Variants in ZNF385D observed in about 807,000 individuals in gnomAD.
ZNF385D encodes zinc finger protein 385D.
In ZNF385D, 15 loss-of-function variants were observed where a neutral mutation model predicts 35.8. The ratio of observed to expected loss-of-function variants is 0.42; its 90% confidence interval spans 0.28 to 0.64. The LOEUF (loss-of-function observed/expected upper bound fraction) is 0.64. ZNF385D is among the 30% of genes least tolerant of loss of function. The pLI, the probability that ZNF385D is intolerant of heterozygous loss-of-function variation, is 0.23. For missense variants in ZNF385D, 474 were observed against 494.6 expected (o/e 0.96, Z 0.39); for synonymous variants, 212 against 186.8 (o/e 1.13, Z -1.10).
chr3:21,576,307 T>G lies in ZNF385D; in HGVS notation c.166-11623A>C, dbSNP rs1310515847. 1.1e-4 allele frequency among the ~76,000 whole-genome samples: 17 copies of G among 152,296 alleles called. No homozygotes were observed. In the East Asian group the frequency reaches 3.3e-3, roughly 29 times the overall value. ...AAATAAGCAAAGGCATTTAGATGAC[T>G]TCCAAGTACTCAGGACATGTAATTT... On this transcript the variant is annotated intron_variant, in intron 2 of 7. Transcript: ENST00000281523.
At chr3:21,817,472 T>C (rs148656643) in intron 3 of ZNF385D, among the ~76,000 whole-genome samples, 11,905 of 152,038 alleles carry the variant, frequency 0.078, 627 homozygotes, top group South Asian at 0.13. Flanking sequence ...ACAAAGAAGT[T>C]AAACAAATTT....
intron 3 of ZNF385D, among the ~76,000 whole-genome samples, chr3:22,081,566 C>A (rs962850326): frequency 2.6e-5 from 4 of 152,196 alleles, no homozygotes; most frequent in Admixed American, 6.6e-5. Context: ...AGCCTACACA[C>A]TTCCAATAGA....
intron 3 of ZNF385D, among the ~76,000 whole-genome samples, chr3:21,867,793 A>T (rs914535417): frequency 1.3e-5 from 2 of 152,020 alleles, no homozygotes; most frequent in African/African-American, 4.8e-5. Flanking sequence ...TGAGACCTTA[A>T]GCCAGAGCTG....
intron 3 of ZNF385D, among the ~76,000 whole-genome samples, chr3:22,123,111 T>A (rs951033590): frequency 6.6e-6 from 1 of 151,708 alleles, no homozygotes; most frequent in Non-Finnish European, 1.5e-5. Context: ...GGATGATGAG[T>A]TGATAGATTG....
intron 4 of ZNF385D, among the ~76,000 whole-genome samples, chr3:21,441,461 T>G (rs1363067586): frequency 6.6e-6 from 1 of 152,178 alleles, no homozygotes; most frequent in Admixed American, 6.5e-5. Context: ...CTTCATTTGT[T>G]TTTTATTGTT....
At chr3:21,942,140 G>T (rs1301572380) in intron 3 of ZNF385D, among the ~76,000 whole-genome samples, 1 of 152,088 alleles carries the variant, frequency 6.6e-6, no homozygotes, top group African/African-American at 2.4e-5. Flanking sequence ...TAACTGATAA[G>T]TTGTCAAAAA....
At chr3:21,662,297 C>A (rs1365168597) in intron 2 of ZNF385D, among the ~76,000 whole-genome samples, 2 of 152,076 alleles carry the variant, frequency 1.3e-5, no homozygotes, top group Admixed American at 6.6e-5. Flanking sequence ...TCATGAATGC[C>A]TATGTGGATA....
At chr3:22,191,725 G>C (rs868800428) in intron 2 of ZNF385D, among the ~76,000 whole-genome samples, 13 of 152,074 alleles carry the variant, frequency 8.5e-5, no homozygotes, top group Non-Finnish European at 1.6e-4. Flanking sequence ...AGTAATTAAT[G>C]AATAAATGGT....
intron 3 of ZNF385D, among the ~76,000 whole-genome samples, chr3:21,912,214 C>T (rs540543965): frequency 6.6e-6 from 1 of 151,796 alleles, no homozygotes; most frequent in Non-Finnish European, 1.5e-5. Flanking sequence ...AATTATTCAG[C>T]CCAGACCCTA....
At chr3:22,004,616 C>T (rs1047296919) in intron 3 of ZNF385D, among the ~76,000 whole-genome samples, 2 of 152,132 alleles carry the variant, frequency 1.3e-5, no homozygotes, top group Non-Finnish European at 2.9e-5. Context: ...GAAATGATAG[C>T]TGTAAAGATA....
In ZNF385D at chr3:22,082,901, T is replaced by C. The variant is rs181233195; in HGVS notation, c.325+85916A>G. 2.3e-4 allele frequency among the ~76,000 whole-genome samples: 35 copies of C among 152,316 alleles called. No individual in the cohort carries two copies. In the East Asian group the frequency reaches 6.6e-3, roughly 29 times the overall value. On this transcript the variant is annotated intron_variant, in intron 3 of 5. Transcript: ENST00000494108. ...TTTGCTGTTCTACAATATTTGCTGT[T>C]CTGCAGCCTCTGCTGGTGATACCCA...
intron 3 of ZNF385D, among the ~76,000 whole-genome samples, chr3:21,920,903 A>C (rs1700425567): frequency 6.6e-6 from 1 of 152,048 alleles, no homozygotes; most frequent in South Asian, 2.1e-4. Flanking sequence ...AACATTTAAA[A>C]TTTGAACTCA....
intron 3 of ZNF385D, among the ~76,000 whole-genome samples, chr3:21,921,365 A>C (rs1489726122): frequency 6.6e-6 from 1 of 152,150 alleles, no homozygotes; most frequent in African/African-American, 2.4e-5. Context: ...AACTATAGAA[A>C]TTGATGCTAT....
At chr3:22,194,311 A>G (rs1025483610) in intron 2 of ZNF385D, among the ~76,000 whole-genome samples, 3 of 151,784 alleles carry the variant, frequency 2.0e-5, no homozygotes, top group African/African-American at 4.8e-5. Flanking sequence ...AACGCAAACT[A>G]TATTTACCCT....
chr3:22,000,270 A>C (rs1011912194), intron 3 of ZNF385D, among the ~76,000 whole-genome samples: 1 of 150,636 alleles, frequency 6.6e-6, no homozygotes, highest in Non-Finnish European at 1.5e-5. Context: ...ATGCCACGGC[A>C]CTCCAGCCTG....
At chr3:22,285,813 C>G (rs1701994812) in intron 2 of ZNF385D, among the ~76,000 whole-genome samples, 1 of 152,088 alleles carries the variant, frequency 6.6e-6, no homozygotes. Context: ...GGAATTTGTT[C>G]CCACTCAACT....
At chr3:22,299,920 A>G (rs1039237973) in intron 2 of ZNF385D, among the ~76,000 whole-genome samples, 1 of 152,130 alleles carries the variant, frequency 6.6e-6, no homozygotes, top group African/African-American at 2.4e-5. Context: ...TGCAATACTT[A>G]TCAAAATTTC....
chr3:22,118,808 A>G (rs971200288), intron 3 of ZNF385D, among the ~76,000 whole-genome samples: 4 of 152,126 alleles, frequency 2.6e-5, no homozygotes, highest in African/African-American at 9.7e-5. Context: ...TGTAAGCACT[A>G]TTTTAACACT....
In ZNF385D at chr3:21,539,314, C is replaced by T. The variant is rs1006369918; in HGVS notation, c.276+25260G>A. ...TTTCTCATTAATTGATGCCATTTTG[C>T]CCTGGTTTTGTTTCACGGATTAAAT... On this transcript the variant is annotated intron_variant, in intron 3 of 7. Coordinates refer to ENST00000281523, the MANE Select transcript of ZNF385D (RefSeq NM_024697.3). This position sits in a 1 kb window ranked among gnomAD's most constrained non-coding sequence, Gnocchi z 4.0. 6.6e-6 allele frequency among the ~76,000 whole-genome samples: 1 copy of T among 152,032 alleles called. No homozygotes were observed. Among genetic ancestry groups the T allele is most frequent in the Non-Finnish European group, 1.5e-5 (1 of 68,002 alleles).
Sources: gnomAD v4.1 joint callset for allele counts (sites outside exome capture counted in the v4.1 genomes callset) on GRCh38, gnomAD v4.1.1 for gene constraint, Gnocchi (gnomAD v3.1) non-coding constraint, MANE v1.5 for transcripts, NCBI Gene and HGNC (gene_info 2026-07-23, HGNC 2026-07-21) for gene names.